THRAP3: variants seen among roughly 807,000 people sequenced by gnomAD.
The protein encoded by THRAP3 is thyroid hormone receptor-associated protein 3.
THRAP3 carries 16 observed loss-of-function variants against 101.0 expected under a neutral mutation model. The ratio of observed to expected loss-of-function variants is 0.16; its 90% CI spans 0.11 to 0.24. THRAP3 has a LOEUF of 0.24. Among genes scored for constraint, THRAP3 ranks in the 10% least tolerant of loss-of-function variants. The pLI, the probability that THRAP3 is intolerant of heterozygous loss-of-function variation, is 1.00. For missense variants in THRAP3, 989 were observed against 1,202.7 expected (o/e 0.82, Z 2.63); for synonymous variants, 407 against 422.6 (o/e 0.96, Z 0.45).
intron 3 of THRAP3, among the ~76,000 whole-genome samples, chr1:36,285,167 G>GA (rs1467130639): frequency 1.3e-5 from 2 of 152,096 alleles, no homozygotes; most frequent in African/African-American, 2.4e-5. Context: ...GAGTTATTTG[G>GA]AAAAAACAAA....
chr1:36,214,822 G>A, the THRAP3 span, among the ~76,000 whole-genome samples: 1 of 151,490 alleles, frequency 6.6e-6, no homozygotes, highest in East Asian at 1.9e-4. Context: ...TCACGCCATT[G>A]CACTCCAGCC....
chr1:36,228,684 GGCCGGTGGACTCCAGGGA>G (rs1644990523), intron 1 of THRAP3, among the ~76,000 whole-genome samples: 3 of 152,174 alleles, frequency 2.0e-5, no homozygotes, highest in African/African-American at 7.2e-5. Context: ...CTTAATCTAT[GGCCGGTGGACTCCAGGGA>G]GCCCATGAAC....
At position 36,289,467 on chromosome 1, in the gene THRAP3, A is replaced by G; in HGVS notation, c.1448A>G (p.Lys483Arg). ...GLVYAPPGKEKQRKTEELEEE... is the reference protein window; with the variant it reads ...GLVYAPPGKERQRKTEELEEE... ...GTATATGCACCTCCAGGGAAGGAAA[A>G]GCAGAGAAAAACAGAGGAGCTGGAG... Residue 483 changes from lysine to arginine, a missense_variant, in exon 5 of 12, where the codon AAG becomes AGG. Lys to Arg is a conservative substitution (Grantham distance 26). Transcript: ENST00000354618. The G allele has an allele frequency of 6.2e-7, 1 of 1,614,216 alleles. No individual in the cohort carries two copies. The highest frequency in any genetic ancestry group is 8.5e-7 in the Non-Finnish European group (1 of 1,180,034).
chr1:36,303,753 T>A lies in THRAP3; in HGVS notation c.2647-43T>A, dbSNP rs1262032719. ...TGCAGAGAAGAGAGCTCTGGCCACA[T>A]CTTGTTCACTCTGGCACTGATGGCA... On this transcript the variant is annotated intron_variant, in intron 11 of 11. Transcript: ENST00000354618. The A allele has an allele frequency of 1.9e-6, 3 of 1,613,230 alleles. No homozygotes were observed. In the East Asian group the frequency reaches 6.7e-5, roughly 36 times the overall value.
chr1:36,210,724 T>TG, the THRAP3 span, among the ~76,000 whole-genome samples: 3 of 8,746 alleles, frequency 3.4e-4, no homozygotes, highest in African/African-American at 4.0e-3. Flanking sequence ...TATATATATA[T>TG]ATATATATAT....
chr1:36,239,738 A>G (rs1027968764), intron 1 of THRAP3, among the ~76,000 whole-genome samples: 1 of 152,234 alleles, frequency 6.6e-6, no homozygotes, highest in Non-Finnish European at 1.5e-5. Context: ...AGTTGAAACA[A>G]TTGTACAGTA....
At chr1:36,244,060 G>C (rs1405046760) in intron 1 of THRAP3, among the ~76,000 whole-genome samples, 1 of 151,902 alleles carries the variant, frequency 6.6e-6, no homozygotes, top group East Asian at 1.9e-4. Context: ...GCGGCTGGCC[G>C]GGCAGAGGGG....
intron 1 of THRAP3, among the ~76,000 whole-genome samples, chr1:36,231,887 G>A (rs1645032111): frequency 6.6e-6 from 1 of 152,124 alleles, no homozygotes; most frequent in South Asian, 2.1e-4. Flanking sequence ...TTGAGGAATT[G>A]GTCAGATTCC....
At chr1:36,273,628 GA>G (rs1183133085) in intron 2 of THRAP3, among the ~76,000 whole-genome samples, 1 of 152,162 alleles carries the variant, frequency 6.6e-6, no homozygotes, top group Non-Finnish European at 1.5e-5. Flanking sequence ...AATTGGTGAA[GA>G]AGTAAAATCA....
At chr1:36,243,830 C>A (rs1392990008) in intron 1 of THRAP3, among the ~76,000 whole-genome samples, 15 of 138,990 alleles carry the variant, frequency 1.1e-4, no homozygotes, top group Admixed American at 1.1e-3. Context: ...GGGGGGCTGA[C>A]CCCCACACCT....
chr1:36,287,861 T>TG, intron 4 of THRAP3: 1 of 985,402 alleles, frequency 1.0e-6, no homozygotes, highest in Non-Finnish European at 1.2e-6. Flanking sequence ...CTTTCTCCCC[T>TG]GGGGGACACG....
intron 2 of THRAP3, 42 bp from the exon 3 acceptor site, chr1:36,282,491 A>G (rs973964386): frequency 2.1e-6 from 3 of 1,459,718 alleles, no homozygotes; most frequent in Admixed American, 1.8e-5. Context: ...CACATTTGCA[A>G]AGGAACTCAC....
At chr1:36,252,098 T>A (rs192161501) in intron 1 of THRAP3, among the ~76,000 whole-genome samples, 15 of 152,314 alleles carry the variant, frequency 9.8e-5, no homozygotes, top group South Asian at 6.2e-4. Context: ...GTTTTGAGAA[T>A]TACTATTCAT....
chr1:36,228,061 T>C (rs1368263149), intron 1 of THRAP3, among the ~76,000 whole-genome samples: 2 of 147,814 alleles, frequency 1.4e-5, no homozygotes, highest in Non-Finnish European at 3.0e-5. Flanking sequence ...TTTTTTTTTT[T>C]CTGTTGGTGG....
At chr1:36,227,235 C>T (rs755157503) in intron 1 of THRAP3, among the ~76,000 whole-genome samples, 18 of 151,894 alleles carry the variant, frequency 1.2e-4, no homozygotes, top group African/African-American at 1.5e-4. Flanking sequence ...GAAGGATTGC[C>T]GTCTCTCTCT....
intron 1 of THRAP3, among the ~76,000 whole-genome samples, chr1:36,250,741 A>G (rs983502133): frequency 5.3e-5 from 8 of 151,342 alleles, no homozygotes; most frequent in African/African-American, 1.9e-4. Flanking sequence ...GCGAAACCCA[A>G]TCTGTACTAA....
intron 1 of THRAP3, among the ~76,000 whole-genome samples, chr1:36,231,955 G>A (rs971654466): frequency 1.3e-5 from 2 of 152,124 alleles, no homozygotes; most frequent in African/African-American, 4.8e-5. Context: ...TGTGGTTCAC[G>A]CCTGTAATCC....
At chr1:36,278,546 G>A (rs1645690829) in intron 2 of THRAP3, among the ~76,000 whole-genome samples, 1 of 152,132 alleles carries the variant, frequency 6.6e-6, no homozygotes. Context: ...ACCCTCTCAA[G>A]TGTCTCTGCA....
At chr1:36,257,670 C>T (rs775667954) in intron 1 of THRAP3, among the ~76,000 whole-genome samples, 2 of 152,056 alleles carry the variant, frequency 1.3e-5, no homozygotes, top group Non-Finnish European at 1.5e-5. Flanking sequence ...ATTCACTCAT[C>T]GCAACAATGG....
Sources: gnomAD v4.1 joint callset for allele counts (sites outside exome capture counted in the v4.1 genomes callset) on GRCh38, gnomAD v4.1.1 for gene constraint, MANE v1.5 for transcripts, NCBI Gene and HGNC (gene_info 2026-07-23, HGNC 2026-07-21) for gene names.